The following RYR3 variants were observed in gnomAD, a reference collection of about 807,000 sequenced individuals.
The protein encoded by RYR3 is ryanodine receptor 3.
RYR3 carries 207 observed loss-of-function variants against 584.3 expected under a neutral mutation model. The ratio of observed to expected loss-of-function variants is 0.35; its 90% CI spans 0.32 to 0.40. The LOEUF (loss-of-function observed/expected upper bound fraction) is 0.40. Ranked by LOEUF, RYR3 falls within the 10% of genes least tolerant of loss-of-function variation. The pLI, the probability that RYR3 is intolerant of heterozygous loss-of-function variation, is 1.00. For synonymous variants in RYR3, 2,416 were observed against 2,248.5 expected, an observed-to-expected ratio of 1.07 and a Z score of -2.11; for missense variants, 5,616 against 6,089.2, an observed-to-expected ratio of 0.92 and a Z score of 2.59.
chr15:33,865,256 G>C lies in RYR3; in HGVS notation c.*30G>C, dbSNP rs573924606. ...GAATCAAAGAAGCGCGACAATTCTG[G>C]ACAGTCAACTTCCCATGAAATAAAG... On this transcript the variant is annotated 3_prime_UTR_variant, in exon 104 of 104. Coordinates refer to ENST00000634891, the MANE Select transcript of RYR3 (RefSeq NM_001036.6). 2.6e-4 allele frequency: 395 copies of C among 1,508,146 alleles called. No homozygotes were observed. Among genetic ancestry groups the C allele is most frequent in the Non-Finnish European group, 3.5e-4 (380 of 1,086,052 alleles). 93.4% of individuals were successfully genotyped at this position (1,508,146 alleles called of 1,614,324 possible).
chr15:33,715,318 A>AC (rs1337135478), intron 43 of RYR3, among the ~76,000 whole-genome samples: 1 of 152,258 alleles, frequency 6.6e-6, no homozygotes, highest in Non-Finnish European at 1.5e-5. Context: ...TGTGACACAT[A>AC]GTTTTGTTCT....
chr15:33,514,784 G>A (rs911725256), intron 3 of RYR3, among the ~76,000 whole-genome samples: 4 of 151,920 alleles, frequency 2.6e-5, no homozygotes, highest in Non-Finnish European at 5.9e-5. Flanking sequence ...GGCAGATCAC[G>A]AGGTCAGGAG....
intron 1 of RYR3, among the ~76,000 whole-genome samples, chr15:33,435,466 T>G (rs746706607): frequency 6.6e-6 from 1 of 152,138 alleles, no homozygotes; most frequent in African/African-American, 2.4e-5. Context: ...GATATGTGTA[T>G]GTGTGTGTGT....
intron 101 of RYR3, 100 bp downstream of exon 101, chr15:33,860,759 C>T (rs1466595144): frequency 1.1e-6 from 1 of 925,960 alleles, no homozygotes; most frequent in East Asian, 2.6e-5. Context: ...AGGGCCAGTA[C>T]TAAGCAAGAA....
chr15:33,531,204 G>T lies in RYR3; in HGVS notation c.354+538G>T, dbSNP rs2054835404. On this transcript the variant is annotated intron_variant, in intron 4 of 103. Coordinates refer to ENST00000634891, the MANE Select transcript of RYR3 (RefSeq NM_001036.6). ...GAGCCAGGAGGAAGACAAGAGGCAA[G>T]GTAGTCACAGAAAGCTGCATGGCTA... Among the ~76,000 whole-genome samples, 3 of 152,116 alleles carry T rather than the reference G, an allele frequency of 2.0e-5. No individual in the cohort carries two copies. In the South Asian group the frequency reaches 6.2e-4, roughly 31 times the overall value.
Position 33,613,229 on chromosome 15 carries a change from A to T in RYR3, c.2211A>T (p.Arg737Ser). ...AVASINQHLL[R>S]SDDVVSCCLD... The stretch of plus-strand genomic sequence containing the variant: ...CTTCCATCAACCAGCACCTCCTGAG[A>T]TCGGATGACGTGGTAAGCTGCTGCC... Residue 737 changes from arginine (R) to serine (S), a missense_variant, in exon 19 of 104, where the codon AGA becomes AGT. Transcript: ENST00000634891. 6.2e-7 allele frequency: 1 copy of T among 1,613,894 alleles called. No homozygotes were observed. Among genetic ancestry groups the T allele is most frequent in the Non-Finnish European group, 8.5e-7 (1 of 1,179,840 alleles).
rs770811022 is a variant in RYR3 at position 33,860,665 on chromosome 15, G to A, written c.14364+6G>A. 6.3e-7 allele frequency: 1 copy of A among 1,575,566 alleles called. No individual in the cohort carries two copies. Among genetic ancestry groups the A allele is most frequent in the Admixed American group, 1.8e-5 (1 of 56,150 alleles). On this transcript the variant is annotated splice_donor_region_variant and intron_variant, in intron 101 of 103. Coordinates refer to ENST00000634891, the MANE Select transcript of RYR3 (RefSeq NM_001036.6). The stretch of plus-strand genomic sequence containing the variant: ...AAGTACGAGAAGATATGGAGGTAAT[G>A]TTACTCTAACTACTAATCCCAGCTC...
At chr15:33,421,158 G>A (rs370275951) in intron 1 of RYR3, among the ~76,000 whole-genome samples, 12 of 152,128 alleles carry the variant, frequency 7.9e-5, no homozygotes, top group Admixed American at 7.2e-4. Context: ...GAGGAGAAAC[G>A]GAATGAAGCT....
At position 33,781,783 on chromosome 15, in the gene RYR3, T is replaced by C. The variant is rs564663092; in HGVS notation, c.9268+1442T>C. ...ACTTTCCAAAGTCCCGTATGAAATC[T>C]ATAAGTTAACCTTTCCTCAACCGCT... On this transcript the variant is annotated intron_variant, in intron 65 of 103. Transcript: ENST00000634891. 1.7e-3 allele frequency among the ~76,000 whole-genome samples: 247 copies of C among 148,188 alleles called. 1 individual carries two copies. The highest frequency in any genetic ancestry group is 5.8e-3 in the African/African-American group (238 of 40,762).
rs116610960 is a variant in RYR3, at chr15:33,804,898, C to T, written c.10012-2657C>T. Among the ~76,000 whole-genome samples, 1,088 of 152,250 alleles carry T rather than the reference C, an allele frequency of 7.1e-3. 13 individuals carry two copies. The highest frequency in any genetic ancestry group is 0.025 in the African/African-American group (1,051 of 41,528). On this transcript the variant is annotated intron_variant, in intron 69 of 103. Coordinates refer to ENST00000634891, the MANE Select transcript of RYR3 (RefSeq NM_001036.6). ...TTGTGGAGGTATGTGTATATGAATG[C>T]CCTATGCCACACACACCACATATGC... is the stretch of plus-strand genomic sequence containing the variant.
chr15:33,751,728 A>G (rs1223036333), intron 57 of RYR3, among the ~76,000 whole-genome samples: 9 of 152,036 alleles, frequency 5.9e-5, no homozygotes, highest in Non-Finnish European at 1.0e-4. Context: ...GAAGCTCTTT[A>G]GTTTAATTAG....
chr15:33,584,925 A>G (rs2058770119), intron 15 of RYR3, among the ~76,000 whole-genome samples: 1 of 152,128 alleles, frequency 6.6e-6, no homozygotes, highest in Non-Finnish European at 1.5e-5. Flanking sequence ...GATGAGAGGA[A>G]AAATGATCCC....
At chr15:33,761,519 T>C (rs529011858) in intron 60 of RYR3, among the ~76,000 whole-genome samples, 2 of 152,352 alleles carry the variant, frequency 1.3e-5, no homozygotes, top group East Asian at 3.9e-4. Context: ...GATAAATTCC[T>C]GGACACCACA....
At chr15:33,721,175 GA>G (rs1191529279) in intron 43 of RYR3, among the ~76,000 whole-genome samples, 1 of 152,210 alleles carries the variant, frequency 6.6e-6, no homozygotes, top group Non-Finnish European at 1.5e-5. Context: ...CACATCATGA[GA>G]ACACTCAAGC....
In RYR3 at chr15:33,543,657, C is replaced by T. The variant is rs1360318375; in HGVS notation, c.682C>T (p.His228Tyr). Reference sequence around the variant, plus strand: ...TGGTGGGCATGTAGTACGTCTTTTCCATGGTCATGATGAATGTTTGACGAT... The same window carrying T: ...TGGTGGGCATGTAGTACGTCTTTTCTATGGTCATGATGAATGTTTGACGAT... ...LLGGHVVRLF[H>Y]GHDECLTIPS... The change falls in exon 8 of 104, where the codon CAT (histidine) becomes TAT (tyrosine). Residue 228 changes from histidine (H) to tyrosine (Y), a missense_variant. Physicochemically the swap from His to Tyr is moderately conservative, Grantham distance 83. Coordinates refer to ENST00000634891, the MANE Select transcript of RYR3 (RefSeq NM_001036.6). The T allele has an allele frequency of 6.2e-7, 1 of 1,612,722 alleles. No individual in the cohort carries two copies. Among genetic ancestry groups the T allele is most frequent in the Non-Finnish European group, 8.5e-7 (1 of 1,178,864 alleles).
intron 43 of RYR3, among the ~76,000 whole-genome samples, chr15:33,719,547 T>C (rs1174822932): frequency 1.3e-5 from 2 of 152,232 alleles, no homozygotes; most frequent in Non-Finnish European, 2.9e-5. Flanking sequence ...TTTTTTTATA[T>C]TTAAAATTTC....
chr15:33,597,294 C>A (rs762928602), intron 16 of RYR3, among the ~76,000 whole-genome samples: 2 of 152,054 alleles, frequency 1.3e-5, no homozygotes, highest in African/African-American at 2.4e-5. Context: ...TAGTAGTTTA[C>A]CAGTAATTTT....
intron 2 of RYR3, among the ~76,000 whole-genome samples, chr15:33,476,843 C>G (rs553808417): frequency 6.6e-6 from 1 of 152,136 alleles, no homozygotes; most frequent in Non-Finnish European, 1.5e-5. Context: ...GTCAAATTCA[C>G]GGTAAGGATA....
At chr15:33,367,896 C>G (rs1351417401) in intron 1 of RYR3, among the ~76,000 whole-genome samples, 1 of 152,126 alleles carries the variant, frequency 6.6e-6, no homozygotes, top group East Asian at 1.9e-4. Flanking sequence ...GCAGAGATAA[C>G]TTACTTACAT....
Sources: gnomAD v4.1 joint callset for allele counts (sites outside exome capture counted in the v4.1 genomes callset) on GRCh38, gnomAD v4.1.1 for gene constraint, MANE v1.5 for transcripts, NCBI Gene and HGNC (gene_info 2026-07-23, HGNC 2026-07-21) for gene names.